EPX: variants seen among roughly 807,000 people sequenced by gnomAD.
The protein encoded by EPX is eosinophil peroxidase.
A neutral mutation model predicts 73.0 loss-of-function variants in EPX; 60 were observed. That is an observed-to-expected ratio of 0.82 (90% CI 0.67 to 1.02). The LOEUF (loss-of-function observed/expected upper bound fraction) is 1.02. Among genes scored for constraint, EPX ranks in the 50% least tolerant of loss-of-function variants. EPX has a pLI of 0.00. For missense variants in EPX, 950 were observed against 973.9 expected, an observed-to-expected ratio of 0.98 and a Z score of 0.33; for synonymous variants, 347 against 389.2, an observed-to-expected ratio of 0.89 and a Z score of 1.28.
chr17:58,196,631 A>T (rs1161709429), intron 6 of EPX, among the ~76,000 whole-genome samples: 1 of 152,208 alleles, frequency 6.6e-6, no homozygotes, highest in Non-Finnish European at 1.5e-5. Context: ...AAGAGAACTA[A>T]GTTCTAATCC....
chr17:58,205,107 C>T lies in EPX; in HGVS notation c.*383C>T, dbSNP rs1172630106. On this transcript the variant is annotated 3_prime_UTR_variant, in exon 13 of 13. Transcript: ENST00000225371. ...TCGGTCCTAGCCTCCAGACACCCCA[C>T]AATACTCCTCTGAGCCTGAGGCCAG... is the stretch of plus-strand genomic sequence containing the variant. 1 of 169,626 alleles carries T rather than the reference C, an allele frequency of 5.9e-6. No homozygotes were observed. Among genetic ancestry groups the T allele is most frequent in the African/African-American group, 2.4e-5 (1 of 41,536 alleles). 10.5% of individuals were successfully genotyped at this position (169,626 alleles called of 1,614,324 possible).
chr17:58,204,547 T>TTGGAAAGAGTACCTAGTGAC, intron 12 of EPX, 113 bp downstream of exon 12: 1 of 680,946 alleles, frequency 1.5e-6, no homozygotes, highest in Non-Finnish European at 2.6e-6. Context: ...AACTTGTCAC[T>TTGGAAAGAGTACCTAGTGAC]AGGTACTCTT....
Position 58,193,563 on chromosome 17 carries a change from T to C in EPX, c.346+17T>C, listed in dbSNP as rs1163672827. 6.2e-7 allele frequency: 1 copy of C among 1,613,142 alleles called. No homozygotes were observed. Among genetic ancestry groups the C allele is most frequent in the East Asian group, 2.2e-5 (1 of 44,878 alleles). On this transcript the variant is annotated intron_variant, in intron 3 of 12. Coordinates refer to ENST00000225371, the MANE Select transcript of EPX (RefSeq NM_000502.6). ...ATGTCACTGGTACTCTGATCCCCAC[T>C]GAGCCCGCTGGGCCTACCCTGGCCT... is the stretch of plus-strand genomic sequence containing the variant.
rs757551690 is a variant in EPX at position 58,199,130 on chromosome 17, G to T, written c.1211G>T (p.Arg404Leu). The T allele has an allele frequency of 1.2e-6, 2 of 1,614,054 alleles. No individual in the cohort carries two copies. Among genetic ancestry groups the T allele is most frequent in the Non-Finnish European group, 1.7e-6 (2 of 1,179,972 alleles). The change falls in exon 8 of 13, where the codon CGC becomes CTC. Residue 404 changes from arginine (R) to leucine (L), a missense_variant. By Grantham distance (102) the Arg-to-Leu change is moderately radical. Coordinates refer to ENST00000225371, the MANE Select transcript of EPX (RefSeq NM_000502.6). The part of the protein sequence containing the change: ...EHNRLATELR[R>L]LNPRWNGDKL... ...AACCGGCTGGCCACCGAGCTGAGAC[G>T]CCTGAATCCCCGGTGGAATGGAGAC...
chr17:58,203,708 G>A (rs534568864), intron 11 of EPX, among the ~76,000 whole-genome samples: 100 of 151,830 alleles, frequency 6.6e-4, no homozygotes, highest in African/African-American at 2.2e-3. Context: ...CGAGGCGGGC[G>A]GATCACGAGG....
Position 58,193,467 on chromosome 17 carries a change from C to T in EPX, c.267C>T (p.Ala89=), listed in dbSNP as rs138191637. The T allele has an allele frequency of 2.6e-5, 42 of 1,614,054 alleles. No homozygotes were observed. The highest frequency in any genetic ancestry group is 1.1e-4 in the African/African-American group (8 of 74,928). ...PVAATRTVVR[A]ADYMHVALGL... ...CAGCCACCAGGACAGTTGTTCGGGC[C>T]GCAGATTATATGCATGTGGCTTTGG... Residue 89 remains alanine, a synonymous_variant, in exon 3 of 13, where the codon GCC becomes GCT. Transcript: ENST00000225371.
Position 58,200,335 on chromosome 17 carries a change from A to G in EPX, c.1648A>G (p.Arg550Gly), listed in dbSNP as rs765009974. The change falls in exon 10 of 13, where the codon AGG (arginine) becomes GGG (glycine). Residue 550 changes from arginine to glycine, a missense_variant. Arg to Gly is a moderately radical substitution (Grantham distance 125). Transcript: ENST00000225371. Reference protein sequence around the residue: ...LRDRLFRQVRRIGLDLAALNM... With the variant: ...LRDRLFRQVRGIGLDLAALNM... ...GGACCGGCTGTTTCGGCAAGTGAGG[A>G]GGATTGGGCTGGACCTGGCAGCTCT... The G allele has an allele frequency of 2.5e-6, 4 of 1,614,216 alleles. No homozygotes were observed. In the Admixed American group the frequency reaches 6.7e-5, roughly 27 times the overall value.
chr17:58,194,183 C>A, intron 5 of EPX, 91 bp downstream of exon 5: 2 of 1,327,502 alleles, frequency 1.5e-6, no homozygotes, highest in Non-Finnish European at 2.1e-6. Context: ...AGGGCTTGAA[C>A]CCAGGCCCTT....
Position 58,204,078 on chromosome 17 carries a change from G to C in EPX, c.1947-144G>C, listed in dbSNP as rs1228845627. 8.0e-6 allele frequency: 5 copies of C among 628,354 alleles called. No individual in the cohort carries two copies. The East Asian group carries it at 1.3e-4, about 17-fold the overall frequency. 38.9% of individuals were successfully genotyped at this position (628,354 alleles called of 1,614,324 possible). On this transcript the variant is annotated intron_variant, in intron 11 of 12. Transcript: ENST00000225371. ...GGCAATTTATTTGGCCACTGAATTT[G>C]TTTCATTTCTGAGATTCCAATCTTG...
In EPX at chr17:58,192,868, G is replaced by C. The variant is rs201742949; in HGVS notation, c.22G>C (p.Ala8Pro). Residue 8 changes from alanine (A) to proline (P), a missense_variant, in exon 1 of 13, where the codon GCA (alanine) becomes CCA (proline). Transcript: ENST00000225371. MHLLPAL[A>P]GVLATLVLAQ... ...AGAGATGCATCTGCTCCCAGCCCTG[G>C]CAGGGGTCCTGGCCACACTCGTCCT... 2.0e-5 allele frequency: 33 copies of C among 1,614,130 alleles called. No individual in the cohort carries two copies.
intron 6 of EPX, among the ~76,000 whole-genome samples, chr17:58,195,839 A>G (rs1968247759): frequency 6.6e-6 from 1 of 151,926 alleles, no homozygotes; most frequent in Non-Finnish European, 1.5e-5. Flanking sequence ...AACCTTATCT[A>G]TTCCTCAATC....
chr17:58,203,565 A>C (rs1968373006), intron 11 of EPX, among the ~76,000 whole-genome samples: 1 of 152,148 alleles, frequency 6.6e-6, no homozygotes, highest in Admixed American at 6.5e-5. Flanking sequence ...CAGCCTCACT[A>C]TTCTGGGTTG....
Position 58,200,261 on chromosome 17 carries a change from C to T in EPX, c.1574C>T (p.Thr525Ile), listed in dbSNP as rs544368050. ...IDPILRGLMA[T>I]PAKLNRQDAM... ...CCCATCCTCCGGGGCCTCATGGCCACCCCTGCCAAGCTGAACCGTCAGGAT... is the reference window on the plus strand; with the variant it reads ...CCCATCCTCCGGGGCCTCATGGCCATCCCTGCCAAGCTGAACCGTCAGGAT... Residue 525 changes from threonine to isoleucine, a missense_variant, in exon 10 of 13, where the codon ACC becomes ATC. Physicochemically the swap from Thr to Ile is moderately conservative, Grantham distance 89 (BLOSUM62 -1). Coordinates refer to ENST00000225371, the MANE Select transcript of EPX (RefSeq NM_000502.6). 21 of 1,614,218 alleles carry T rather than the reference C, an allele frequency of 1.3e-5. 1 individual carries two copies. The South Asian group carries it at 2.3e-4, about 18-fold the overall frequency.
chr17:58,203,252 C>T lies in EPX; in HGVS notation c.1880C>T (p.Ala627Val). 2 of 1,614,176 alleles carry T rather than the reference C, an allele frequency of 1.2e-6. No individual in the cohort carries two copies. The highest frequency in any genetic ancestry group is 1.3e-5 in the African/African-American group (1 of 75,050). Residue 627 changes from alanine to valine, a missense_variant, in exon 11 of 13, where the codon GCT (alanine) becomes GTT (valine). Transcript: ENST00000225371. Reference sequence around the variant, plus strand: ...ATCGCTGAGCCTCTTTTGCCGGGGGCTCGAGTGGGGCCTCTTCTGGCTTGT... The same window carrying T: ...ATCGCTGAGCCTCTTTTGCCGGGGGTTCGAGTGGGGCCTCTTCTGGCTTGT... Reference protein sequence around the residue: ...GAIAEPLLPGARVGPLLACLF... With the variant: ...GAIAEPLLPGVRVGPLLACLF...
In EPX at chr17:58,195,119, C is replaced by T. The variant is rs943769778; in HGVS notation, c.750C>T (p.Gly250=). The T allele has an allele frequency of 8.7e-6, 14 of 1,614,022 alleles. No individual in the cohort carries two copies. Among genetic ancestry groups the T allele is most frequent in the East Asian group, 2.2e-5 (1 of 44,888 alleles). ...ESPARVAFTA[G]VDCERTCAQL... ...CGGCCAGAGTGGCCTTCACTGCAGG[C>T]GTTGACTGTGAGAGGACCTGCGCCC... Residue 250 remains glycine, a synonymous_variant, in exon 6 of 13, where the codon GGC becomes GGT. Coordinates refer to ENST00000225371, the MANE Select transcript of EPX (RefSeq NM_000502.6).
rs1340257741 is a variant in EPX, at chr17:58,193,498, C to T, written c.298C>T (p.Leu100Phe). The T allele has an allele frequency of 8.7e-6, 14 of 1,614,188 alleles. No individual in the cohort carries two copies. The highest frequency in any genetic ancestry group is 1.2e-5 in the Non-Finnish European group (14 of 1,180,022). ...ADYMHVALGL[L>F]EEKLQPQRSG... ...TTATATGCATGTGGCTTTGGGGCTG[C>T]TTGAAGAGAAGTTACAACCCCAGCG... is the stretch of plus-strand genomic sequence containing the variant. The change falls in exon 3 of 13, where the codon CTT becomes TTT. Residue 100 changes from leucine (L) to phenylalanine (F), a missense_variant. By Grantham distance (22) the Leu-to-Phe change is conservative. Transcript: ENST00000225371.
chr17:58,193,642 G>A (rs1357859913), intron 3 of EPX, 72 bp from the exon 4 acceptor site: 1 of 1,548,120 alleles, frequency 6.5e-7, no homozygotes, highest in African/African-American at 1.4e-5. Flanking sequence ...TGGGGTGCTG[G>A]GAGGAGAGAG....
chr17:58,203,765 T>C (rs2143721459), intron 11 of EPX, among the ~76,000 whole-genome samples: 1 of 150,686 alleles, frequency 6.6e-6, no homozygotes, highest in African/African-American at 2.4e-5. Context: ...ACCCCGTCTC[T>C]ACTAAAAATA....
Position 58,194,077 on chromosome 17 carries a change from C to A in EPX, c.579C>A (p.Gly193=). 1 of 1,613,464 alleles carries A rather than the reference C, an allele frequency of 6.2e-7. No individual in the cohort carries two copies. Among genetic ancestry groups the A allele is most frequent in the Non-Finnish European group, 8.5e-7 (1 of 1,180,002 alleles). The change falls in exon 5 of 13, where the codon GGC becomes GGA. Residue 193 remains glycine, a synonymous_variant. Coordinates refer to ENST00000225371, the MANE Select transcript of EPX (RefSeq NM_000502.6). ...FGWTPSRRRN[G]FLLPLVRAVS... ...GGACCCCCAGCAGGAGGCGCAATGG[C>A]TTCCTTCTCCCTCTTGTGAGTTGGG...
Sources: allele counts gnomAD v4.1 joint callset (sites outside exome capture counted in the v4.1 genomes callset), GRCh38; gene constraint gnomAD v4.1.1; transcripts MANE v1.5; gene names NCBI Gene and HGNC (gene_info 2026-07-23, HGNC 2026-07-21).